Variants in OGA observed in about 807,000 individuals in gnomAD.
OGA encodes the protein O-GlcNAcase, also known as protein O-GlcNAcase.
A neutral mutation model predicts 102.0 loss-of-function variants in OGA; 21 were observed. The observed-to-expected ratio is 0.21, with a 90% CI of 0.15 to 0.30. The LOEUF (loss-of-function observed/expected upper bound fraction) is 0.30, where lower values mean the gene tolerates loss of function less well. Ranked by LOEUF, OGA falls within the 10% of genes least tolerant of loss-of-function variation. OGA has a pLI of 1.00. For missense variants in OGA, 765 were observed against 1,107.8 expected, an observed-to-expected ratio of 0.69 and a Z score of 4.39; for synonymous variants, 408 against 378.2, an observed-to-expected ratio of 1.08 and a Z score of -0.91.
Position 101,818,010 on chromosome 10 carries a change from C to G in OGA, c.13G>C (p.Glu5Gln). MVQK[E>Q]SQATLEERES... ...CGCTCCTCCAACGTCGCTTGACTCTCCTTCTGCACCATCCTCCTGCCCCCG... is the reference window on the plus strand; with the variant it reads ...CGCTCCTCCAACGTCGCTTGACTCTGCTTCTGCACCATCCTCCTGCCCCCG... Residue 5 changes from glutamate to glutamine, a missense_variant, in exon 1 of 16, where the codon GAG (glutamate) becomes CAG (glutamine). Glu to Gln is a conservative substitution (Grantham distance 29). Transcript: ENST00000361464. 6.3e-7 allele frequency: 1 copy of G among 1,591,976 alleles called. No individual in the cohort carries two copies. The highest frequency in any genetic ancestry group is 8.6e-7 in the Non-Finnish European group (1 of 1,164,280).
chr10:101,812,797 A>G (rs769137334), intron 3 of OGA: 2 of 602,082 alleles, frequency 3.3e-6, no homozygotes, highest in South Asian at 3.1e-5. Flanking sequence ...ATCTATGACC[A>G]CAGAACAGAT....
chr10:101,811,405 T>TAAAAAAAA (rs2065554471), intron 3 of OGA, among the ~76,000 whole-genome samples: 1 of 9,028 alleles, frequency 1.1e-4, no homozygotes, highest in African/African-American at 4.7e-4. Context: ...TGAAAAAAAA[T>TAAAAAAAA]GAAAAAAAAA....
In OGA at chr10:101,803,682, T is replaced by C. The variant is rs536248925; in HGVS notation, c.1036+53A>G. 28 of 1,499,480 alleles carry C rather than the reference T, an allele frequency of 1.9e-5. No individual in the cohort carries two copies. The African/African-American group carries it at 3.5e-4, about 19-fold the overall frequency. The allele number at this position is 1,499,480 out of a possible 1,614,324, so 92.9% of individuals were successfully genotyped here. On this transcript the variant is annotated intron_variant, in intron 7 of 15. Coordinates refer to ENST00000361464, the MANE Select transcript of OGA (RefSeq NM_012215.5). ...AGGAATGCATACTTTCCACTGGCTC[T>C]AGTTAACCCCAGCTCTCCTCCCAAG... is the stretch of plus-strand genomic sequence containing the variant.
chr10:101,802,240 TAA>T lies in OGA; in HGVS notation c.1036+1493_1036+1494del, dbSNP rs555458661. On this transcript the variant is annotated intron_variant, in intron 7 of 15. Transcript: ENST00000361464. ...ACTCTCCTCATACTTTGATCCAGCT[TAA>T]AAGTCTGTGAAATCTCTTAGCAAAA... Among the ~76,000 whole-genome samples the T allele has an allele frequency of 1.1e-3, 170 of 152,352 alleles. 1 individual carries two copies. Among genetic ancestry groups the T allele is most frequent in the African/African-American group, 3.9e-3 (164 of 41,590 alleles).
chr10:101,805,282 C>T (rs1194284979), intron 6 of OGA, among the ~76,000 whole-genome samples: 1 of 152,128 alleles, frequency 6.6e-6, no homozygotes, highest in African/African-American at 2.4e-5. Context: ...TCAGGCTCCC[C>T]ACTCAGGCTC....
In OGA at chr10:101,807,863, A is replaced by G; in HGVS notation, c.519T>C (p.Phe173=). 6.3e-7 allele frequency: 1 copy of G among 1,593,720 alleles called. No individual in the cohort carries two copies. Among genetic ancestry groups the G allele is most frequent in the Non-Finnish European group, 8.5e-7 (1 of 1,172,162 alleles). ...QFGCRSFALL[F]DDIDHNMCAA... ...CACACATATTATGGTCTATATCATCAAAAAGCAAAGCAAATGATCTGCACC... is the reference window on the plus strand; with the variant it reads ...CACACATATTATGGTCTATATCATCGAAAAGCAAAGCAAATGATCTGCACC... The change falls in exon 5 of 16, where the codon TTT becomes TTC. Residue 173 remains phenylalanine, a synonymous_variant. Coordinates refer to ENST00000361464, the MANE Select transcript of OGA (RefSeq NM_012215.5).
chr10:101,803,055 C>T (rs964731711), intron 7 of OGA, among the ~76,000 whole-genome samples: 9 of 147,318 alleles, frequency 6.1e-5, no homozygotes, highest in African/African-American at 2.0e-4. Flanking sequence ...GCTGGAGAAT[C>T]GCTTGAACCT....
At chr10:101,789,908 GGT>G (rs900140255) in intron 14 of OGA, among the ~76,000 whole-genome samples, 2 of 152,228 alleles carry the variant, frequency 1.3e-5, no homozygotes, top group African/African-American at 2.4e-5. Context: ...GAGCCTGGGA[GGT>G]CAAGGCTGCA....
intron 11 of OGA, among the ~76,000 whole-genome samples, 155 bp from the exon 12 acceptor site, chr10:101,793,098 C>T (rs2065277480): frequency 6.6e-6 from 1 of 152,130 alleles, no homozygotes; most frequent in South Asian, 2.1e-4. Flanking sequence ...AGAAATACCT[C>T]TTTGCTGGGG....
intron 14 of OGA, 174 bp from the exon 15 acceptor site, chr10:101,787,697 G>A: frequency 1.7e-6 from 1 of 600,826 alleles, no homozygotes; most frequent in Non-Finnish European, 2.8e-6. Flanking sequence ...CTTTCTTTGA[G>A]ACAGGATCTC....
chr10:101,812,357 G>A (rs780136515), intron 3 of OGA, among the ~76,000 whole-genome samples: 12 of 151,992 alleles, frequency 7.9e-5, no homozygotes, highest in Non-Finnish European at 1.8e-4. Flanking sequence ...GCAGTTAGCC[G>A]AGATCGCACC....
At chr10:101,797,745 C>G (rs1350754878) in intron 10 of OGA, 1 of 594,718 alleles carries the variant, frequency 1.7e-6, no homozygotes, top group East Asian at 2.8e-5. Flanking sequence ...TTCTAACATA[C>G]TTTTAAGATA....
intron 7 of OGA, among the ~76,000 whole-genome samples, chr10:101,802,486 A>G (rs1195079551): frequency 2.6e-5 from 4 of 151,948 alleles, no homozygotes; most frequent in Non-Finnish European, 4.4e-5. Context: ...CCAGCCTGAC[A>G]TGGAGAAACC....
At chr10:101,796,551 C>T (rs778233357) in intron 10 of OGA, among the ~76,000 whole-genome samples, 14 of 151,872 alleles carry the variant, frequency 9.2e-5, no homozygotes, top group African/African-American at 3.4e-4. Flanking sequence ...TGAGCCGCTG[C>T]GCACGGTCAG....
chr10:101,816,314 C>G (rs2065624454), intron 1 of OGA, among the ~76,000 whole-genome samples: 1 of 152,120 alleles, frequency 6.6e-6, no homozygotes, highest in African/African-American at 2.4e-5. Flanking sequence ...CTCAGGTGCT[C>G]AGTCACTAAG....
chr10:101,790,274 T>G (rs986078476), intron 14 of OGA, among the ~76,000 whole-genome samples: 12 of 142,606 alleles, frequency 8.4e-5, no homozygotes, highest in East Asian at 2.0e-4. Context: ...TGTTTTTTTT[T>G]TTTTTTTTTT....
chr10:101,797,798 ATG>A, intron 10 of OGA, 180 bp downstream of exon 10: 1 of 622,860 alleles, frequency 1.6e-6, no homozygotes, highest in Non-Finnish European at 2.8e-6. Context: ...AATGTGCTTG[ATG>A]TATTTACTAA....
chr10:101,813,183 A>G (rs2065580875), intron 2 of OGA, 56 bp from the exon 3 acceptor site: 1 of 1,123,272 alleles, frequency 8.9e-7, no homozygotes, highest in African/African-American at 1.6e-5. Context: ...TAGGCTGTCA[A>G]TCTCCATTTC....
At chr10:101,792,430 C>T (rs1235433319) in intron 12 of OGA, among the ~76,000 whole-genome samples, 2 of 152,314 alleles carry the variant, frequency 1.3e-5, no homozygotes, top group South Asian at 2.1e-4. Context: ...CGTGAGCCAC[C>T]GCGCCTGGCC....
Sources: gnomAD v4.1 joint callset for allele counts (sites outside exome capture counted in the v4.1 genomes callset) on GRCh38, gnomAD v4.1.1 for gene constraint, MANE v1.5 for transcripts, NCBI Gene and HGNC (gene_info 2026-07-23, HGNC 2026-07-21) for gene names.